DAB1: variants seen among roughly 807,000 people sequenced by gnomAD.
DAB1 encodes the protein DAB adaptor protein 1, also known as disabled homolog 1.
In DAB1, 15 loss-of-function variants were observed where a neutral mutation model predicts 64.6. That is an observed-to-expected ratio of 0.23 (90% CI 0.16 to 0.36). DAB1 has a LOEUF of 0.36. Among genes scored for constraint, DAB1 ranks in the 10% least tolerant of loss-of-function variants. The pLI is 1.00. For synonymous variants in DAB1, 235 were observed against 251.9 expected (o/e 0.93, Z 0.64); for missense variants, 596 against 706.7 (o/e 0.84, Z 1.78).
At chr1:57,565,518 T>C (rs1645107554) in intron 7 of DAB1, among the ~76,000 whole-genome samples, 1 of 152,156 alleles carries the variant, frequency 6.6e-6, no homozygotes, top group African/African-American at 2.4e-5. Context: ...TGTGTTGTAT[T>C]CTGGAGACCC....
chr1:58,462,159 G>A (rs1033256216), intron 3 of DAB1, among the ~76,000 whole-genome samples: 18 of 137,810 alleles, frequency 1.3e-4, no homozygotes, highest in Admixed American at 8.2e-5. Flanking sequence ...TCGCTCTGTC[G>A]CCCAGGCCGG....
At chr1:57,447,878 T>G (rs1686206125) in intron 7 of DAB1, among the ~76,000 whole-genome samples, 1 of 152,096 alleles carries the variant, frequency 6.6e-6, no homozygotes, top group Middle Eastern at 3.2e-3. Flanking sequence ...GGTCTACATT[T>G]TAGGATTCTT....
intron 7 of DAB1, among the ~76,000 whole-genome samples, chr1:57,430,414 C>A (rs1685457797): frequency 6.9e-6 from 1 of 145,562 alleles, no homozygotes; most frequent in Non-Finnish European, 1.5e-5. Flanking sequence ...CTTGCTCTGT[C>A]GCCCAGGCTG....
intron 4 of DAB1, among the ~76,000 whole-genome samples, chr1:58,182,669 A>G (rs542129237): frequency 6.6e-6 from 1 of 151,888 alleles, no homozygotes; most frequent in South Asian, 2.1e-4. Context: ...CTCTTTATTG[A>G]TATTCTCTAG....
Position 58,497,828 on chromosome 1 carries a change from C to A in DAB1, n.257+8232G>T, listed in dbSNP as rs1406811977. 2.6e-5 allele frequency among the ~76,000 whole-genome samples: 4 copies of A among 152,190 alleles called. No individual in the cohort carries two copies. In the East Asian group the frequency reaches 5.8e-4, roughly 22 times the overall value. On this transcript the variant is annotated intron_variant and non_coding_transcript_variant, in intron 3 of 20. Coordinates refer to the DAB1 transcript ENST00000485760. ...CTCTACAACGTGGCGGCTTTCCCTG[C>A]ACCTTTCTGTCTTAGTTTCAGTTGA...
intron 1 of DAB1, among the ~76,000 whole-genome samples, chr1:57,361,850 A>G (rs1177365096): frequency 6.6e-6 from 1 of 152,182 alleles, no homozygotes; most frequent in African/African-American, 2.4e-5. Context: ...TCACCAATAC[A>G]GAGATAAATG....
chr1:57,451,845 C>G (rs1449247072), intron 7 of DAB1, among the ~76,000 whole-genome samples: 1 of 152,110 alleles, frequency 6.6e-6, no homozygotes, highest in Non-Finnish European at 1.5e-5. Flanking sequence ...TCTGAGCTAT[C>G]ACTTTACCTT....
intron 3 of DAB1, among the ~76,000 whole-genome samples, chr1:58,410,607 C>A (rs907187337): frequency 2.0e-5 from 3 of 152,210 alleles, no homozygotes; most frequent in African/African-American, 7.2e-5. Flanking sequence ...GATGAGAAAA[C>A]TAAGACCCGT....
Position 57,121,284 on chromosome 1 carries a change from C to T in DAB1, c.306+15259G>A, listed in dbSNP as rs556582848. Among the ~76,000 whole-genome samples the T allele has an allele frequency of 1.1e-3, 172 of 152,058 alleles. 1 individual carries two copies. Among genetic ancestry groups the T allele is most frequent in the African/African-American group, 4.0e-3 (167 of 41,492 alleles). ...CATACTTGTGCAAAGAACATATTTG[C>T]TATCCAATGGCTTTCACACAAGACC... is the stretch of plus-strand genomic sequence containing the variant. On this transcript the variant is annotated intron_variant, in intron 4 of 14. Transcript: ENST00000371236.
At chr1:58,546,460 C>A (rs566668969) in intron 1 of DAB1, among the ~76,000 whole-genome samples, 1 of 152,112 alleles carries the variant, frequency 6.6e-6, no homozygotes, top group Admixed American at 6.5e-5. Context: ...GAGAACCGGG[C>A]TCCCCCAGGA....
chr1:57,700,122 T>C (rs558198045), intron 6 of DAB1, among the ~76,000 whole-genome samples: 5 of 152,260 alleles, frequency 3.3e-5, no homozygotes, highest in African/African-American at 9.6e-5. Context: ...GTCATCCTCA[T>C]GTGCTACCGG....
chr1:57,536,915 C>T (rs759577516), intron 7 of DAB1, among the ~76,000 whole-genome samples: 32 of 152,282 alleles, frequency 2.1e-4, no homozygotes, highest in Non-Finnish European at 3.8e-4. Flanking sequence ...TCAGGCCTGG[C>T]ACCAGATGCT....
At chr1:58,422,281 T>G (rs143946402) in intron 3 of DAB1, among the ~76,000 whole-genome samples, 51 of 152,004 alleles carry the variant, frequency 3.4e-4, no homozygotes, top group African/African-American at 1.2e-3. Flanking sequence ...ACTTGGCACA[T>G]AGTAAGCACT....
At chr1:57,026,806 T>C (rs924691668) in intron 9 of DAB1, among the ~76,000 whole-genome samples, 2 of 152,194 alleles carry the variant, frequency 1.3e-5, no homozygotes, top group African/African-American at 4.8e-5. Context: ...TGGGAGTGTC[T>C]GAGCAAGGCC....
rs538377022 is a variant in DAB1, at chr1:57,190,689, TG to T, written c.68-45261del. On this transcript the variant is annotated intron_variant, in intron 2 of 14. Coordinates refer to ENST00000371236, the MANE Select transcript of DAB1 (RefSeq NM_001365792.1). ...CACATCAAATGCATCTAAGATGAAA[TG>T]CACAGAGGAATGCAGCATCCCCCGC... Among the ~76,000 whole-genome samples, 5 of 152,222 alleles carry T rather than the reference TG, an allele frequency of 3.3e-5. No homozygotes were observed. The East Asian group carries it at 7.7e-4, about 24-fold the overall frequency.
intron 4 of DAB1, among the ~76,000 whole-genome samples, chr1:58,229,690 T>A (rs1659684874): frequency 6.6e-6 from 1 of 152,120 alleles, no homozygotes; most frequent in African/African-American, 2.4e-5. Context: ...ATGGGGGGCA[T>A]TTGAAGCACT....
At chr1:58,114,312 T>C (rs774029299) in intron 5 of DAB1, among the ~76,000 whole-genome samples, 4 of 152,158 alleles carry the variant, frequency 2.6e-5, no homozygotes, top group Non-Finnish European at 5.9e-5. Context: ...TAGGTAACCA[T>C]ATGTAGAGCC....
chr1:57,518,188 G>GTCA (rs146349545), intron 7 of DAB1, among the ~76,000 whole-genome samples: 3,780 of 151,590 alleles, frequency 0.025, 58 homozygotes, highest in Middle Eastern at 0.051. Flanking sequence ...TGTCGTTGTC[G>GTCA]TCATCATCAT....
chr1:58,406,087 G>T (rs1644613324), intron 3 of DAB1, among the ~76,000 whole-genome samples: 1 of 152,170 alleles, frequency 6.6e-6, no homozygotes, highest in Non-Finnish European at 1.5e-5. Flanking sequence ...GAGGCACAAA[G>T]AATTATATTT....
Sources: gnomAD v4.1 joint callset for allele counts (sites outside exome capture counted in the v4.1 genomes callset) on GRCh38, gnomAD v4.1.1 for gene constraint, MANE v1.5 for transcripts, NCBI Gene and HGNC (gene_info 2026-07-23, HGNC 2026-07-21) for gene names.